The following KAZN variants were observed in gnomAD, a reference collection of about 807,000 sequenced individuals.
The protein encoded by KAZN is kazrin, periplakin interacting protein.
KAZN carries 40 observed loss-of-function variants against 87.4 expected under a neutral mutation model. The ratio of observed to expected loss-of-function variants is 0.46; its 90% CI spans 0.36 to 0.60. The LOEUF (loss-of-function observed/expected upper bound fraction) is 0.60. Ranked by LOEUF, KAZN falls within the 20% of genes least tolerant of loss-of-function variation. KAZN has a pLI of 0.00. For missense variants in KAZN, 898 were observed against 1,073.9 expected, an observed-to-expected ratio of 0.84 and a Z score of 2.29; for synonymous variants, 466 against 458.3, an observed-to-expected ratio of 1.02 and a Z score of -0.22.
At chr1:14,691,266 A>G (rs1641290997) in intron 1 of KAZN, among the ~76,000 whole-genome samples, 1 of 152,172 alleles carries the variant, frequency 6.6e-6, no homozygotes, top group African/African-American at 2.4e-5. Flanking sequence ...TTTCTTAACT[A>G]CACTTGCAAT....
In KAZN at chr1:14,949,155, A is replaced by AAAAAAT. The variant is rs1553161518; in HGVS notation, c.227-11527_227-11526insAAATAA. The stretch of plus-strand genomic sequence containing the variant: ...GCAACAGAGTGAGACTCCGACTCAA[A>AAAAAAT]AATAATAATAATAATAATAATAATA... On this transcript the variant is annotated intron_variant, in intron 1 of 14. Transcript: ENST00000376030. This position sits in a 1 kb window ranked among gnomAD's most constrained non-coding sequence, Gnocchi z 4.3. Among the ~76,000 whole-genome samples, 3 of 143,868 alleles carry AAAAAAT rather than the reference A, an allele frequency of 2.1e-5. No homozygotes were observed. The highest frequency in any genetic ancestry group is 2.2e-4 in the South Asian group (1 of 4,454). 94.4% of individuals were successfully genotyped at this position (143,868 alleles called of 152,430 possible).
rs2100618643 is a variant in KAZN, at chr1:15,078,290, A to T, written c.1222+12537A>T. 2.0e-5 allele frequency among the ~76,000 whole-genome samples: 3 copies of T among 152,196 alleles called. No individual in the cohort carries two copies. The East Asian group carries it at 5.8e-4, about 29-fold the overall frequency. ...CATGGTGGTGCGTGCCTGTAATCAC[A>T]GCTACTCGGGGGGCTGAGGAAGGAG... On this transcript the variant is annotated intron_variant, in intron 8 of 14. Transcript: ENST00000376030.
chr1:14,764,840 G>T (rs1243933816), intron 1 of KAZN, among the ~76,000 whole-genome samples: 3 of 152,112 alleles, frequency 2.0e-5, no homozygotes, highest in African/African-American at 7.2e-5. Context: ...TAAAACTGTG[G>T]GTGCTTTCTC....
intron 2 of KAZN, among the ~76,000 whole-genome samples, chr1:14,431,790 G>A (rs1044579707): frequency 4.6e-5 from 7 of 152,160 alleles, no homozygotes; most frequent in Non-Finnish European, 8.8e-5. Flanking sequence ...GCCTCCAGGG[G>A]CTCTCAGGCC....
intron 2 of KAZN, among the ~76,000 whole-genome samples, chr1:15,022,427 C>G (rs1427514030): frequency 6.6e-6 from 1 of 152,124 alleles, no homozygotes; most frequent in Non-Finnish European, 1.5e-5. Flanking sequence ...TACTATTATC[C>G]CCATTTGACC....
intron 1 of KAZN, among the ~76,000 whole-genome samples, chr1:13,979,677 C>G (rs917814357): frequency 2.6e-5 from 4 of 152,078 alleles, no homozygotes; most frequent in Non-Finnish European, 5.9e-5. Flanking sequence ...GCCTGTAATC[C>G]CAGTACTTTG....
At chr1:14,127,876 G>A (rs998543214) in intron 1 of KAZN, among the ~76,000 whole-genome samples, 4 of 152,146 alleles carry the variant, frequency 2.6e-5, no homozygotes, top group Non-Finnish European at 5.9e-5. Flanking sequence ...CTGGAGTGAA[G>A]AGAGATTTGA....
At chr1:14,202,990 C>A (rs957925217) in intron 2 of KAZN, among the ~76,000 whole-genome samples, 4 of 152,198 alleles carry the variant, frequency 2.6e-5, no homozygotes, top group African/African-American at 9.6e-5. Flanking sequence ...GCACTCCAGC[C>A]TGGGCGACAA....
At chr1:14,454,710 A>C in intron 2 of KAZN, among the ~76,000 whole-genome samples, 1 of 152,210 alleles carries the variant, frequency 6.6e-6, no homozygotes, top group Non-Finnish European at 1.5e-5. Context: ...ATGAATGTTC[A>C]CTAACAAACA....
intron 2 of KAZN, among the ~76,000 whole-genome samples, chr1:15,031,585 G>GTGTTGTGTTC (rs1671707730): frequency 6.6e-6 from 1 of 152,036 alleles, no homozygotes; most frequent in Non-Finnish European, 1.5e-5. Context: ...GTGTTGTGTT[G>GTGTTGTGTTC]TGTTGTGTTG....
chr1:14,504,171 T>C (rs912940759), intron 2 of KAZN, among the ~76,000 whole-genome samples: 1 of 152,218 alleles, frequency 6.6e-6, no homozygotes, highest in African/African-American at 2.4e-5. Flanking sequence ...TTTGTGTTTG[T>C]AGCTGACAAT....
chr1:15,104,673 C>G (rs1282874150), intron 13 of KAZN, among the ~76,000 whole-genome samples: 1 of 152,182 alleles, frequency 6.6e-6, no homozygotes, highest in African/African-American at 2.4e-5. Flanking sequence ...GTATCCCCAT[C>G]TGAAAAGTGA....
intron 2 of KAZN, among the ~76,000 whole-genome samples, chr1:15,013,765 A>AG (rs1488316433): frequency 1.8e-4 from 27 of 150,496 alleles, no homozygotes; most frequent in Admixed American, 6.6e-4. Flanking sequence ...AAAAAAAAAA[A>AG]AGAGAGAGAT....
intron 1 of KAZN, among the ~76,000 whole-genome samples, chr1:14,698,295 G>A (rs1641726872): frequency 6.6e-6 from 1 of 152,176 alleles, no homozygotes; most frequent in African/African-American, 2.4e-5. Context: ...GGGTGGGGAG[G>A]GGAATAAAGT....
intron 8 of KAZN, among the ~76,000 whole-genome samples, chr1:15,075,290 A>C (rs973385901): frequency 6.6e-6 from 1 of 152,178 alleles, no homozygotes; most frequent in Non-Finnish European, 1.5e-5. Context: ...GGGGGAAAAA[A>C]ATCCCTGGGT....
intron 1 of KAZN, among the ~76,000 whole-genome samples, chr1:14,661,906 ACT>A (rs902202584): frequency 2.1e-4 from 32 of 152,160 alleles, no homozygotes; most frequent in Admixed American, 3.9e-4. Flanking sequence ...ACAGAACGAG[ACT>A]CTGTTTCAAA....
intron 2 of KAZN, among the ~76,000 whole-genome samples, chr1:14,482,017 T>G (rs1046661573): frequency 6.6e-6 from 1 of 152,184 alleles, no homozygotes; most frequent in African/African-American, 2.4e-5. Context: ...GACATGGTAA[T>G]GCTTCCCAAA....
chr1:13,899,864 G>A (rs771669007), intron 1 of KAZN, among the ~76,000 whole-genome samples: 6 of 152,138 alleles, frequency 3.9e-5, no homozygotes, highest in African/African-American at 9.6e-5. Context: ...GTCTGGTCTC[G>A]AACTCCTGAC....
At chr1:14,697,181 T>G (rs1450173738) in intron 1 of KAZN, among the ~76,000 whole-genome samples, 2 of 149,452 alleles carry the variant, frequency 1.3e-5, no homozygotes, top group South Asian at 2.1e-4. Flanking sequence ...AAGAAATAAT[T>G]GACCAGGCAG....
Sources: gnomAD v4.1 joint callset for allele counts (sites outside exome capture counted in the v4.1 genomes callset) on GRCh38, gnomAD v4.1.1 for gene constraint, Gnocchi (gnomAD v3.1) non-coding constraint, MANE v1.5 for transcripts, NCBI Gene and HGNC (gene_info 2026-07-23, HGNC 2026-07-21) for gene names.